The following TCF7L2 variants were observed in gnomAD, a reference collection of about 807,000 sequenced individuals.
The protein encoded by TCF7L2 is transcription factor 7 like 2.
In TCF7L2, 23 loss-of-function variants were observed where a neutral mutation model predicts 77.9. The ratio of observed to expected loss-of-function variants is 0.30; its 90% CI spans 0.21 to 0.42. The LOEUF (loss-of-function observed/expected upper bound fraction) is 0.42, where lower values mean the gene tolerates loss of function less well. Ranked by LOEUF, TCF7L2 falls within the 10% of genes least tolerant of loss-of-function variation. The pLI is 1.00. For synonymous variants in TCF7L2, 413 were observed against 340.2 expected, an observed-to-expected ratio of 1.21 and a Z score of -2.36; for missense variants, 654 against 793.1, an observed-to-expected ratio of 0.82 and a Z score of 2.11.
chr10:113,009,123 A>G (rs1266797567), intron 4 of TCF7L2, among the ~76,000 whole-genome samples: 1 of 152,050 alleles, frequency 6.6e-6, no homozygotes, highest in Admixed American at 6.6e-5. Context: ...TTTTGAAGAG[A>G]TGGGGTCTCA....
At chr10:113,055,911 T>C (rs546771441) in intron 5 of TCF7L2, among the ~76,000 whole-genome samples, 2 of 152,364 alleles carry the variant, frequency 1.3e-5, no homozygotes, top group South Asian at 2.1e-4. Flanking sequence ...AACAGTCACA[T>C]TGAAGGAAAT....
chr10:113,089,624 C>A, intron 5 of TCF7L2: 1 of 1,522,994 alleles, frequency 6.6e-7, no homozygotes, highest in East Asian at 2.3e-5. Flanking sequence ...CTCTCTAGGG[C>A]AGGGCCCATC....
At chr10:112,978,971 T>C (rs1250346454) in intron 4 of TCF7L2, among the ~76,000 whole-genome samples, 2 of 152,210 alleles carry the variant, frequency 1.3e-5, no homozygotes, top group Non-Finnish European at 2.9e-5. Context: ...CCTAATGCTA[T>C]GATTCCACTT....
intron 5 of TCF7L2, among the ~76,000 whole-genome samples, chr10:113,058,474 A>C (rs1339875868): frequency 1.3e-5 from 2 of 152,072 alleles, no homozygotes; most frequent in Non-Finnish European, 2.9e-5. Flanking sequence ...GTGGTTTTAT[A>C]CCGGGTTTTG....
chr10:113,037,818 TG>T (rs1485616473), intron 4 of TCF7L2, among the ~76,000 whole-genome samples: 5 of 152,144 alleles, frequency 3.3e-5, no homozygotes, highest in African/African-American at 1.2e-4. Flanking sequence ...GGGATGTAGA[TG>T]GGTTTGACTC....
At chr10:113,111,816 A>G (rs1433837192) in intron 5 of TCF7L2, among the ~76,000 whole-genome samples, 2 of 152,100 alleles carry the variant, frequency 1.3e-5, no homozygotes, top group African/African-American at 4.8e-5. Context: ...AAATAAATAA[A>G]TAAAATTATT....
chr10:112,976,975 CTT>C (rs11321606), intron 4 of TCF7L2, among the ~76,000 whole-genome samples: 7,480 of 143,142 alleles, frequency 0.052, 220 homozygotes, highest in Non-Finnish European at 0.075. Context: ...GCAATATTAC[CTT>C]TTTTTTTTTT....
intron 6 of TCF7L2, among the ~76,000 whole-genome samples, chr10:113,142,654 G>C (rs2136893581): frequency 6.6e-6 from 1 of 152,310 alleles, no homozygotes; most frequent in East Asian, 1.9e-4. Context: ...TGGTCTCTGA[G>C]CCCCTTTGTG....
Position 112,951,527 on chromosome 10 carries a change from C to T in TCF7L2, c.301C>T (p.Pro101Ser), listed in dbSNP as rs2134205095. The change falls in exon 3 of 14, where the codon CCC (proline) becomes TCC (serine). Residue 101 changes from proline (P) to serine (S), a missense_variant. Around this residue, in one of 6 missense-constraint regions of TCF7L2, gnomAD observed 132 missense variants for 123.7 expected, o/e 1.07. Coordinates refer to ENST00000627217, the MANE Select transcript of TCF7L2 (RefSeq NM_001146274.2). Reference sequence around the variant, plus strand: ...AGGGCTCTTTAAGGGGCCACCGTATCCCGGCTACCCCTTCATCATGATCCC... The same window carrying T: ...AGGGCTCTTTAAGGGGCCACCGTATTCCGGCTACCCCTTCATCATGATCCC... The T allele has an allele frequency of 7.0e-7, 1 of 1,429,700 alleles. No individual in the cohort carries two copies. The highest frequency in any genetic ancestry group is 9.4e-7 in the Non-Finnish European group (1 of 1,068,598). 88.6% of individuals were successfully genotyped at this position (1,429,700 alleles called of 1,614,324 possible). A position where few individuals can be genotyped will look rare whatever the true frequency, so the allele number is the denominator to read the frequency against.
intron 4 of TCF7L2, among the ~76,000 whole-genome samples, chr10:112,988,821 GT>G (rs1166315553): frequency 6.6e-6 from 1 of 152,136 alleles, no homozygotes; most frequent in Non-Finnish European, 1.5e-5. Flanking sequence ...AAGAATAGGT[GT>G]TTTTTGAGCT....
intron 4 of TCF7L2, among the ~76,000 whole-genome samples, chr10:112,996,529 T>A (rs1011587000): frequency 1.3e-5 from 2 of 152,150 alleles, no homozygotes; most frequent in Admixed American, 1.3e-4. Flanking sequence ...GCCTTCAGCA[T>A]TTAGTGTTGG....
chr10:113,121,925 C>T (rs1370546661), intron 5 of TCF7L2, among the ~76,000 whole-genome samples: 1 of 152,174 alleles, frequency 6.6e-6, no homozygotes, highest in East Asian at 1.9e-4. Context: ...GAAGAAAATA[C>T]GTCCATTAGT....
At chr10:113,112,710 C>T (rs1467192980) in intron 5 of TCF7L2, among the ~76,000 whole-genome samples, 1 of 152,108 alleles carries the variant, frequency 6.6e-6, no homozygotes, top group Non-Finnish European at 1.5e-5. Flanking sequence ...TAATGAAAAC[C>T]AAGCAATTTC....
chr10:113,031,427 A>T (rs1449942184), intron 4 of TCF7L2, among the ~76,000 whole-genome samples: 1 of 151,870 alleles, frequency 6.6e-6, no homozygotes, highest in Admixed American at 6.6e-5. Flanking sequence ...TCTGGAGTGC[A>T]TCAGGAAAAA....
intron 4 of TCF7L2, among the ~76,000 whole-genome samples, chr10:113,027,706 A>G (rs2049440268): frequency 6.6e-6 from 1 of 152,124 alleles, no homozygotes; most frequent in South Asian, 2.1e-4. Flanking sequence ...TAAGAGAGGC[A>G]GTTTCTACAG....
intron 5 of TCF7L2, among the ~76,000 whole-genome samples, chr10:113,127,874 T>TC (rs1476325267): frequency 6.6e-6 from 1 of 151,156 alleles, no homozygotes; most frequent in Non-Finnish European, 1.5e-5. Context: ...TCCTTTTTTT[T>TC]TTTTTTTTTT....
At chr10:113,001,883 C>T (rs1025566595) in intron 4 of TCF7L2, among the ~76,000 whole-genome samples, 1 of 152,186 alleles carries the variant, frequency 6.6e-6, no homozygotes, top group African/African-American at 2.4e-5. Flanking sequence ...CTTTGAAACC[C>T]AGCACTACCT....
intron 5 of TCF7L2, among the ~76,000 whole-genome samples, chr10:113,045,269 C>G (rs1315807553): frequency 6.6e-6 from 1 of 152,096 alleles, no homozygotes; most frequent in African/African-American, 2.4e-5. Flanking sequence ...GAGGCTTGTT[C>G]CAGTTGCTTC....
chr10:112,966,984 C>A (rs545630018), intron 4 of TCF7L2, among the ~76,000 whole-genome samples: 3 of 152,296 alleles, frequency 2.0e-5, no homozygotes, highest in East Asian at 1.9e-4. Flanking sequence ...CTCTGCTAGA[C>A]CCGCACAAGG....
Sources: allele counts gnomAD v4.1 joint callset (sites outside exome capture counted in the v4.1 genomes callset), GRCh38; gene constraint gnomAD v4.1.1; regional missense constraint gnomAD v4.1.1; transcripts MANE v1.5; gene names NCBI Gene and HGNC (gene_info 2026-07-23, HGNC 2026-07-21).